The following PAOX variants were observed in gnomAD, a reference collection of about 807,000 sequenced individuals.
PAOX encodes peroxisomal N(1)-acetyl-spermine/spermidine oxidase.
A neutral mutation model predicts 39.0 loss-of-function variants in PAOX; 38 were observed. The observed-to-expected ratio is 0.97, with a 90% CI of 0.75 to 1.28. PAOX has a LOEUF of 1.28. Ranked by LOEUF, PAOX falls within the 50% of genes most tolerant of loss-of-function variation. The pLI is 0.00. For synonymous variants in PAOX, 311 were observed against 314.4 expected (o/e 0.99, Z 0.11); for missense variants, 667 against 685.7 (o/e 0.97, Z 0.30).
Position 133,380,280 on chromosome 10 carries a change from G to A in PAOX, c.463G>A (p.Val155Ile), listed in dbSNP as rs1167052390. 1.9e-6 allele frequency: 3 copies of A among 1,612,910 alleles called. No homozygotes were observed. Among genetic ancestry groups the A allele is most frequent in the South Asian group, 1.1e-5 (1 of 91,090 alleles). Residue 155 changes from valine (V) to isoleucine (I), a missense_variant, in exon 2 of 7, where the codon GTC becomes ATC. Val to Ile is a conservative substitution (Grantham distance 29). Transcript: ENST00000278060. ...LHAAETPVPS[V>I]GEYLKKEIGQ... ...CGCTGCAGAGACCCCGGTGCCCAGC[G>A]TCGGGGAGTACCTCAAGAAGGAGAT... is the stretch of plus-strand genomic sequence containing the variant.
At chr10:133,385,587 TA>T (rs767133484) in intron 4 of PAOX, among the ~76,000 whole-genome samples, 1 of 152,142 alleles carries the variant, frequency 6.6e-6, no homozygotes, top group African/African-American at 2.4e-5. Context: ...ATAAATAAAA[TA>T]TTTTTTTGTT....
chr10:133,383,893 T>C, intron 3 of PAOX, 67 bp from the exon 4 acceptor site: 1 of 1,540,824 alleles, frequency 6.5e-7, no homozygotes, highest in Non-Finnish European at 8.8e-7. Context: ...GGATCCAAGG[T>C]CTGGACAGAC....
At chr10:133,388,697 G>A (rs770730942) in intron 4 of PAOX, among the ~76,000 whole-genome samples, 5 of 152,210 alleles carry the variant, frequency 3.3e-5, no homozygotes, top group Non-Finnish European at 4.4e-5. Flanking sequence ...GGACTTTGCC[G>A]CCCACACTCT....
rs146751002 is a variant in PAOX, at chr10:133,384,166, G to T, written c.1075G>T (p.Ala359Ser). The change falls in exon 4 of 7, where the codon GCC becomes TCC. Residue 359 changes from alanine (A) to serine (S), a missense_variant. Transcript: ENST00000278060. This position sits in a 1 kb window ranked among gnomAD's most constrained non-coding sequence, Gnocchi z 4.3. The stretch of plus-strand genomic sequence containing the variant: ...GGATGCTGCCCCTGAGCTACAGGAC[G>T]CCTGGTTCCGGAAGCTCATTGGCTT... Reference protein sequence around the residue: ...LEDAAPELQDAWFRKLIGFVV... With the variant: ...LEDAAPELQDSWFRKLIGFVV... 3.1e-6 allele frequency: 5 copies of T among 1,614,018 alleles called. No homozygotes were observed. Among genetic ancestry groups the T allele is most frequent in the Non-Finnish European group, 4.2e-6 (5 of 1,180,038 alleles).
At chr10:133,380,602 C>T in intron 2 of PAOX, 117 bp downstream of exon 2, 1 of 1,342,962 alleles carries the variant, frequency 7.4e-7, no homozygotes, top group Non-Finnish European at 9.9e-7. Flanking sequence ...TTTGTCCTCC[C>T]CATTCCGACA....
rs1057433716 is a variant in PAOX, at chr10:133,390,115, A to C, written c.1392+368A>C. Among the ~76,000 whole-genome samples the C allele has an allele frequency of 2.0e-5, 3 of 152,128 alleles. No individual in the cohort carries two copies. In the East Asian group the frequency reaches 5.8e-4, roughly 29 times the overall value. On this transcript the variant is annotated intron_variant, in intron 6 of 6. Transcript: ENST00000278060. ...ATACATTTCCTGTGCAAAATGTCAAACATACTAAAGTAGGGAGAACCTTTC... is the reference window on the plus strand; with the variant it reads ...ATACATTTCCTGTGCAAAATGTCAACCATACTAAAGTAGGGAGAACCTTTC...
At chr10:133,390,028 C>T (rs1849633122) in intron 6 of PAOX, among the ~76,000 whole-genome samples, 1 of 152,206 alleles carries the variant, frequency 6.6e-6, no homozygotes, top group African/African-American at 2.4e-5. Context: ...GTGCTCCCAG[C>T]TGATTCTCAT....
intron 4 of PAOX, among the ~76,000 whole-genome samples, chr10:133,387,663 C>T (rs1011076168): frequency 2.0e-5 from 3 of 152,270 alleles, no homozygotes; most frequent in Admixed American, 6.5e-5. Flanking sequence ...GAGTCCTCCA[C>T]GGCCACCGTG....
intron 1 of PAOX, chr10:133,379,737 C>T (rs1029221606): frequency 9.2e-6 from 5 of 544,576 alleles, no homozygotes; most frequent in East Asian, 3.2e-5. Flanking sequence ...TGATTCTGCC[C>T]CACGGGGGCC....
intron 6 of PAOX, 49 bp downstream of exon 6, chr10:133,389,796 C>T: frequency 5.0e-6 from 7 of 1,411,570 alleles, no homozygotes; most frequent in Non-Finnish European, 6.4e-6. Flanking sequence ...TGCAGAGGCC[C>T]CCGCCGAGTC....
intron 1 of PAOX, 107 bp from the exon 2 acceptor site, chr10:133,379,889 TGTG>T: frequency 1.4e-6 from 2 of 1,403,320 alleles, no homozygotes; most frequent in Admixed American, 4.7e-5. Context: ...TTGGGGACAG[TGTG>T]GTACATCCTC....
In PAOX at chr10:133,379,444, T is replaced by C. The variant is rs1295602208; in HGVS notation, c.128T>C (p.Val43Ala). Residue 43 changes from valine to alanine, a missense_variant, in exon 1 of 7, where the codon GTC becomes GCC. Transcript: ENST00000278060. ...CACTCCGCCTTCCCGCACCTGCGGG[T>C]CCTGGAGGCCACGGCCCGCGCCGGG... ...CGHSAFPHLR[V>A]LEATARAGGR... 14 of 1,224,306 alleles carry C rather than the reference T, an allele frequency of 1.1e-5. No individual in the cohort carries two copies. The highest frequency in any genetic ancestry group is 3.2e-5 in the East Asian group (1 of 31,074). The allele number at this position is 1,224,306 out of a possible 1,614,324, so 75.8% of individuals were successfully genotyped here.
At chr10:133,389,814 T>C (rs1194220552) in intron 6 of PAOX, 67 bp downstream of exon 6, 3 of 1,385,126 alleles carry the variant, frequency 2.2e-6, no homozygotes, top group Non-Finnish European at 2.8e-6. Flanking sequence ...GTCTGGGCGC[T>C]GCAGGAGCAC....
Position 133,384,648 on chromosome 10 carries a change from C to T in PAOX, c.1121+436C>T, listed in dbSNP as rs1849486987. On this transcript the variant is annotated intron_variant, in intron 4 of 6. Transcript: ENST00000278060. This position sits in a 1 kb window ranked among gnomAD's most constrained non-coding sequence, Gnocchi z 4.3. ...ATGGGAGACCCACAGAGGAAGGGCTCCCTTGTATGGGCTGGCCCTCTTAGA... is the reference window on the plus strand; with the variant it reads ...ATGGGAGACCCACAGAGGAAGGGCTTCCTTGTATGGGCTGGCCCTCTTAGA... Among the ~76,000 whole-genome samples the T allele has an allele frequency of 6.6e-6, 1 of 152,174 alleles. No homozygotes were observed. The highest frequency in any genetic ancestry group is 1.5e-5 in the Non-Finnish European group (1 of 68,028).
chr10:133,382,170 C>T (rs1380241201), intron 3 of PAOX, among the ~76,000 whole-genome samples: 2 of 152,206 alleles, frequency 1.3e-5, no homozygotes, highest in Non-Finnish European at 2.9e-5. Flanking sequence ...ACGGGTTTCA[C>T]GCTGCCGTGG....
rs1849375269 is a variant in PAOX at position 133,381,482 on chromosome 10, T to G, written c.691T>G (p.Cys231Gly). ...TAGGGGCTATCAAGGACTCACAAAC[T>G]GCATGATGGCCGCCCTGCCGGAGGA... The part of the protein sequence containing the change: ...FSKGYQGLTN[C>G]MMAALPEDTV... The change falls in exon 3 of 7, where the codon TGC becomes GGC. Residue 231 changes from cysteine (C) to glycine (G), a missense_variant. Cys to Gly is a radical substitution (Grantham distance 159). Transcript: ENST00000278060. 1.2e-6 allele frequency: 2 copies of G among 1,613,634 alleles called. No individual in the cohort carries two copies. Among genetic ancestry groups the G allele is most frequent in the Non-Finnish European group, 1.7e-6 (2 of 1,180,024 alleles).
Position 133,380,471 on chromosome 10 carries a change from C to A in PAOX, c.654C>A (p.Asp218Glu), listed in dbSNP as rs775112564. ...AGTATACCGTGCTGCCGGGGCTGGA[C>A]TGCACCTTTTCTAAGTGCGTGCCTG... ...FGEYTVLPGL[D>E]CTFSKGYQGL... Residue 218 changes from aspartate (D) to glutamate (E), a missense_variant, in exon 2 of 7, where the codon GAC (aspartate) becomes GAA (glutamate). Asp to Glu is a conservative substitution (Grantham distance 45, BLOSUM62 2). Coordinates refer to ENST00000278060, the MANE Select transcript of PAOX (RefSeq NM_152911.4). 1 of 1,608,542 alleles carries A rather than the reference C, an allele frequency of 6.2e-7. No homozygotes were observed. Among genetic ancestry groups the A allele is most frequent in the South Asian group, 1.1e-5 (1 of 91,004 alleles).
At chr10:133,387,622 C>T (rs1849560481) in intron 4 of PAOX, among the ~76,000 whole-genome samples, 2 of 152,254 alleles carry the variant, frequency 1.3e-5, no homozygotes, top group South Asian at 2.1e-4. Flanking sequence ...GAAAGACGCA[C>T]CAGCCCCGCC....
chr10:133,380,755 G>A (rs772937352), intron 2 of PAOX, among the ~76,000 whole-genome samples: 1 of 152,234 alleles, frequency 6.6e-6, no homozygotes, highest in Non-Finnish European at 1.5e-5. Flanking sequence ...TGAGGCAGGT[G>A]GATCATGAGG....
Sources: gnomAD v4.1 joint callset for allele counts (sites outside exome capture counted in the v4.1 genomes callset) on GRCh38, gnomAD v4.1.1 for gene constraint, Gnocchi (gnomAD v3.1) non-coding constraint, MANE v1.5 for transcripts, NCBI Gene and HGNC (gene_info 2026-07-23, HGNC 2026-07-21) for gene names.